ZFR: variants seen among roughly 807,000 people sequenced by gnomAD.
The protein encoded by ZFR is zinc finger RNA binding protein.
ZFR carries 19 observed loss-of-function variants against 130.7 expected under a neutral mutation model. The observed-to-expected ratio is 0.15, with a 90% CI of 0.10 to 0.21. ZFR has a LOEUF of 0.21. ZFR is among the 10% of genes least tolerant of loss of function. The pLI is 1.00. For synonymous variants in ZFR, 466 were observed against 456.9 expected, an observed-to-expected ratio of 1.02 and a Z score of -0.25; for missense variants, 872 against 1,321.5, an observed-to-expected ratio of 0.66 and a Z score of 5.27.
intron 3 of ZFR, among the ~76,000 whole-genome samples, chr5:32,419,014 T>A (rs191244604): frequency 6.6e-6 from 1 of 152,148 alleles, no homozygotes; most frequent in Non-Finnish European, 1.5e-5. Context: ...AAAAAGAACA[T>A]CTTGACAGGA....
intron 19 of ZFR, among the ~76,000 whole-genome samples, chr5:32,358,547 C>T (rs1752362753): frequency 6.6e-6 from 1 of 152,010 alleles, no homozygotes; most frequent in Non-Finnish European, 1.5e-5. Context: ...ATAGTCCCAG[C>T]TACTCGGGAG....
At position 32,419,906 on chromosome 5, in the gene ZFR, G is replaced by A; in HGVS notation, c.335C>T (p.Ala112Val). The A allele has an allele frequency of 6.2e-7, 1 of 1,614,018 alleles. No individual in the cohort carries two copies. Residue 112 changes from alanine (A) to valine (V), a missense_variant, in exon 3 of 20, where the codon GCA becomes GTA. By Grantham distance (64) the Ala-to-Val change is moderately conservative. Coordinates refer to ENST00000265069, the MANE Select transcript of ZFR (RefSeq NM_016107.5). ...TAAAYGGYPT[A>V]HTATDYGYTQ... Reference sequence around the variant, plus strand: ...ATAACCATAGTCAGTTGCTGTGTGTGCAGTGGGGTAGCCTCCATAAGCAGC... The same window carrying A: ...ATAACCATAGTCAGTTGCTGTGTGTACAGTGGGGTAGCCTCCATAAGCAGC...
At chr5:32,397,131 A>T (rs1165083008) in intron 10 of ZFR, 88 bp downstream of exon 10, 1 of 1,454,788 alleles carries the variant, frequency 6.9e-7, no homozygotes, top group Admixed American at 2.3e-5. Context: ...AGCTGTGTTT[A>T]GATGCTTTCT....
At chr5:32,415,889 T>C (rs1435332600) in intron 4 of ZFR, among the ~76,000 whole-genome samples, 1 of 151,144 alleles carries the variant, frequency 6.6e-6, no homozygotes, top group Non-Finnish European at 1.5e-5. Context: ...AGCACATAAA[T>C]GTTATTTCTG....
At chr5:32,404,213 T>C in intron 6 of ZFR, 116 bp from the exon 7 acceptor site, 2 of 890,984 alleles carry the variant, frequency 2.2e-6, no homozygotes, top group East Asian at 5.1e-5. Flanking sequence ...AACAAACTTT[T>C]TAAGTTGAAA....
rs1159321714 is a variant in ZFR at position 32,355,750 on chromosome 5, C to A, written c.*10G>T. Reference sequence around the variant, plus strand: ...CTGTTTTTTTAACACTGAAGATTTACAGACACTTTTTAAAAGTTATCATAA... The same window carrying A: ...CTGTTTTTTTAACACTGAAGATTTAAAGACACTTTTTAAAAGTTATCATAA... On this transcript the variant is annotated 3_prime_UTR_variant, in exon 20 of 20. Coordinates refer to ENST00000265069, the MANE Select transcript of ZFR (RefSeq NM_016107.5). The A allele has an allele frequency of 1.9e-6, 3 of 1,566,554 alleles. No individual in the cohort carries two copies. The South Asian group carries it at 3.6e-5, about 19-fold the overall frequency.
chr5:32,415,523 C>CGCGCGTGCGCGCGCGCGCGT (rs1554073622), intron 4 of ZFR, among the ~76,000 whole-genome samples: 1 of 132,036 alleles, frequency 7.6e-6, no homozygotes, highest in Non-Finnish European at 1.6e-5. Context: ...TGTGCGCGCG[C>CGCGCGTGCGCGCGCGCGCGT]GCGCGCGCGC....
At chr5:32,418,489 G>C (rs904820701) in intron 3 of ZFR, among the ~76,000 whole-genome samples, 1 of 152,132 alleles carries the variant, frequency 6.6e-6, no homozygotes, top group Non-Finnish European at 1.5e-5. Context: ...TTTCAAGAAA[G>C]ATCAAGGTGA....
chr5:32,375,097 A>G (rs933100196), intron 17 of ZFR, among the ~76,000 whole-genome samples: 1 of 152,244 alleles, frequency 6.6e-6, no homozygotes, highest in East Asian at 1.9e-4. Flanking sequence ...TTAAGAGTTC[A>G]TTACAACACT....
chr5:32,400,807 T>TCG (rs1333392653), intron 8 of ZFR, among the ~76,000 whole-genome samples: 1 of 152,114 alleles, frequency 6.6e-6, no homozygotes, highest in African/African-American at 2.4e-5. Context: ...TGAGCTGAGA[T>TCG]CGCACCACTG....
intron 17 of ZFR, among the ~76,000 whole-genome samples, chr5:32,375,377 T>G (rs1354058961): frequency 6.6e-6 from 1 of 152,240 alleles, no homozygotes; most frequent in Non-Finnish European, 1.5e-5. Context: ...GAAACATTTT[T>G]AATACAATCA....
At chr5:32,391,296 G>A (rs957378355) in intron 11 of ZFR, among the ~76,000 whole-genome samples, 3 of 152,164 alleles carry the variant, frequency 2.0e-5, no homozygotes, top group Non-Finnish European at 4.4e-5. Flanking sequence ...TACAACCTGC[G>A]ATTTTAGGTA....
At chr5:32,364,813 T>TA (rs1255842169) in intron 17 of ZFR, 1 of 152,194 alleles carries the variant, frequency 6.6e-6, no homozygotes, top group Admixed American at 6.5e-5. Context: ...GGTCTCATGA[T>TA]AAAAATTTGT....
chr5:32,403,086 CAG>C lies in ZFR; in HGVS notation c.1516+18_1516+19del, dbSNP rs1481674757. ...AACACTTTGACAGAGTCAGCAGGGACAGAGAATATCAGTACTTGCCAACAAAA... is the reference window on the plus strand; with the variant it reads ...AACACTTTGACAGAGTCAGCAGGGACAGAATATCAGTACTTGCCAACAAAA... On this transcript the variant is annotated intron_variant, in intron 8 of 19. Coordinates refer to ENST00000265069, the MANE Select transcript of ZFR (RefSeq NM_016107.5). The C allele has an allele frequency of 1.2e-6, 2 of 1,607,522 alleles. No individual in the cohort carries two copies. The highest frequency in any genetic ancestry group is 1.7e-6 in the Non-Finnish European group (2 of 1,176,078).
chr5:32,409,883 T>G (rs894318511), intron 5 of ZFR, among the ~76,000 whole-genome samples: 18 of 151,826 alleles, frequency 1.2e-4, no homozygotes, highest in African/African-American at 4.4e-4. Context: ...GTGCCTGTAG[T>G]CCCAGCTACT....
Position 32,424,078 on chromosome 5 carries a change from G to C in ZFR, c.138-3975C>G, listed in dbSNP as rs900207649. Among the ~76,000 whole-genome samples, 7 of 152,192 alleles carry C rather than the reference G, an allele frequency of 4.6e-5. 1 individual carries two copies. Among genetic ancestry groups the C allele is most frequent in the Admixed American group, 4.6e-4 (7 of 15,284 alleles). On this transcript the variant is annotated intron_variant, in intron 2 of 19. Coordinates refer to ENST00000265069, the MANE Select transcript of ZFR (RefSeq NM_016107.5). ...CATGGGATCCTGCAAACAGATGAAA[G>C]CCTAGGTCAGCAGCTGTGGTGGCAG...
chr5:32,420,301 C>CT (rs892616842), intron 2 of ZFR, among the ~76,000 whole-genome samples, 198 bp from the exon 3 acceptor site: 20 of 149,914 alleles, frequency 1.3e-4, no homozygotes, highest in Middle Eastern at 3.4e-3. Flanking sequence ...AATTTTCATT[C>CT]TTTTTTTTTT....
rs201912742 is a variant in ZFR, at chr5:32,403,092, A to T, written c.1516+14T>A. 3 of 1,610,720 alleles carry T rather than the reference A, an allele frequency of 1.9e-6. No homozygotes were observed. The highest frequency in any genetic ancestry group is 2.2e-5 in the South Asian group (2 of 90,636). On this transcript the variant is annotated intron_variant, in intron 8 of 19. Coordinates refer to ENST00000265069, the MANE Select transcript of ZFR (RefSeq NM_016107.5). Reference sequence around the variant, plus strand: ...TTGACAGAGTCAGCAGGGACAGAGAATATCAGTACTTGCCAACAAAATTTA... The same window carrying T: ...TTGACAGAGTCAGCAGGGACAGAGATTATCAGTACTTGCCAACAAAATTTA...
At chr5:32,374,167 G>A (rs755062180) in intron 17 of ZFR, among the ~76,000 whole-genome samples, 1 of 152,200 alleles carries the variant, frequency 6.6e-6, no homozygotes, top group Non-Finnish European at 1.5e-5. Context: ...GTTTAAGAAA[G>A]CAGGAAGCAG....
Sources: allele counts gnomAD v4.1 joint callset (sites outside exome capture counted in the v4.1 genomes callset), GRCh38; gene constraint gnomAD v4.1.1; transcripts MANE v1.5; gene names NCBI Gene and HGNC (gene_info 2026-07-23, HGNC 2026-07-21).